The following NUDT14 variants were observed in gnomAD, a reference collection of about 807,000 sequenced individuals.
The protein encoded by NUDT14 is uridine diphosphate glucose pyrophosphatase NUDT14.
In NUDT14, 22 loss-of-function variants were observed where a neutral mutation model predicts 17.5. The ratio of observed to expected loss-of-function variants is 1.26; its 90% confidence interval spans 0.90 to 1.80. The LOEUF is 1.80. Among genes scored for constraint, NUDT14 ranks in the 40% most tolerant of loss-of-function variants. The pLI is 0.00. For missense variants in NUDT14, 296 were observed against 295.6 expected, an observed-to-expected ratio of 1.00 and a Z score of -0.01; for synonymous variants, 129 against 125.8, an observed-to-expected ratio of 1.03 and a Z score of -0.17.
At chr14:105,177,054 C>A in intron 2 of NUDT14, 27 bp from the exon 3 acceptor site, 1 of 1,606,952 alleles carries the variant, frequency 6.2e-7, no homozygotes, top group Non-Finnish European at 8.5e-7. Context: ...GGGCTCAGCA[C>A]AGAAGCACTC....
At position 105,173,268 on chromosome 14, in the gene NUDT14, G is replaced by T; in HGVS notation, c.429-7C>A. 2 of 1,516,404 alleles carry T rather than the reference G, an allele frequency of 1.3e-6. No individual in the cohort carries two copies. The highest frequency in any genetic ancestry group is 1.8e-6 in the Non-Finnish European group (2 of 1,132,336). 93.9% of individuals were successfully genotyped at this position (1,516,404 alleles called of 1,614,324 possible). The stretch of plus-strand genomic sequence containing the variant: ...AGTCAGTCCCACTCCAGACCTACGG[G>T]TTGAGACAGGGTCTGCTGAGTCACC... On this transcript the variant is annotated splice_polypyrimidine_tract_variant and splice_region_variant and intron_variant, in intron 4 of 4. Transcript: ENST00000392568. This position sits in a 1 kb window ranked among gnomAD's most constrained non-coding sequence, Gnocchi z 4.7.
At chr14:105,174,767 G>A (rs901999027) in intron 4 of NUDT14, among the ~76,000 whole-genome samples, 1 of 152,034 alleles carries the variant, frequency 6.6e-6, no homozygotes, top group Non-Finnish European at 1.5e-5. Context: ...GCTGGGCAAC[G>A]CCTCCCCCAC....
chr14:105,175,052 C>G (rs1047969139), intron 4 of NUDT14, among the ~76,000 whole-genome samples: 2 of 152,240 alleles, frequency 1.3e-5, no homozygotes, highest in Non-Finnish European at 2.9e-5. Flanking sequence ...AAGCAGGATG[C>G]CTACTTCCCA....
intron 4 of NUDT14, chr14:105,175,563 G>A (rs1439420451): frequency 4.7e-6 from 1 of 213,684 alleles, no homozygotes; most frequent in Non-Finnish European, 8.1e-6. Context: ...CACCACGCCT[G>A]GCTAATTTTG....
At position 105,173,307 on chromosome 14, in the gene NUDT14, C is replaced by A; in HGVS notation, c.429-46G>T. On this transcript the variant is annotated intron_variant, in intron 4 of 4. Coordinates refer to ENST00000392568, the MANE Select transcript of NUDT14 (RefSeq NM_177533.5). The surrounding 1 kb of genome is among the most constrained non-coding windows in gnomAD (Gnocchi z 4.7). The stretch of plus-strand genomic sequence containing the variant: ...TGCTGAGTCACCCACGCTGGCCCCG[C>A]TGGCCCCCTGGCCCTTCTACCACCC... 2 of 1,451,404 alleles carry A rather than the reference C, an allele frequency of 1.4e-6. No individual in the cohort carries two copies. The highest frequency in any genetic ancestry group is 9.1e-7 in the Non-Finnish European group (1 of 1,102,428). 89.9% of individuals were successfully genotyped at this position (1,451,404 alleles called of 1,614,324 possible).
In NUDT14 at chr14:105,176,550, G is replaced by A. The variant is rs765418409; in HGVS notation, c.412C>T (p.Arg138Trp). ...GYHLAPSDLR[R>W]VATYWSGVGL... ...CCCACTCACCAGTATGTGGCGACCC[G>A]GCGCAGATCAGAGGGGGCCAAGTGG... The change falls in exon 4 of 5, where the codon CGG becomes TGG. Residue 138 changes from arginine to tryptophan, a missense_variant. Transcript: ENST00000392568. 30 of 1,612,448 alleles carry A rather than the reference G, an allele frequency of 1.9e-5. No homozygotes were observed. The highest frequency in any genetic ancestry group is 6.6e-5 in the South Asian group (6 of 91,082).
Position 105,181,144 on chromosome 14 carries a change from C to T in NUDT14, c.66G>A (p.Thr22=). 2.6e-6 allele frequency: 3 copies of T among 1,141,992 alleles called. No homozygotes were observed. The highest frequency in any genetic ancestry group is 4.5e-5 in the Admixed American group (1 of 22,470). The allele number at this position is 1,141,992 out of a possible 1,614,324, so 70.7% of individuals were successfully genotyped here. The part of the protein sequence containing the change: ...CAASPYLRPL[T]LHYRQNGAQK... ...GCGGGCTCACCTGGCGGTAATGCAG[C>T]GTGAGCGGCCGCAGGTAGGGTGAGG... The change falls in exon 1 of 5, where the codon ACG becomes ACA. Residue 22 remains threonine, a synonymous_variant. Transcript: ENST00000392568. The surrounding 1 kb of genome is among the most constrained non-coding windows in gnomAD (Gnocchi z 5.0).
At chr14:105,176,910 C>G in intron 3 of NUDT14, 53 bp downstream of exon 3, 2 of 1,576,004 alleles carry the variant, frequency 1.3e-6, no homozygotes, top group East Asian at 4.5e-5. Flanking sequence ...CTCAGGACCA[C>G]AGGGACCTGA....
At chr14:105,175,761 T>G (rs960137026) in intron 4 of NUDT14, 3 of 1,007,004 alleles carry the variant, frequency 3.0e-6, no homozygotes, top group African/African-American at 3.5e-5. Flanking sequence ...CGTGCCCAGG[T>G]GAAGTCCTTG....
chr14:105,177,844 T>C (rs1358319144), intron 1 of NUDT14, 109 bp from the exon 2 acceptor site: 3 of 1,057,558 alleles, frequency 2.8e-6, no homozygotes, highest in Admixed American at 2.1e-5. Context: ...GGAGATCGGC[T>C]CGTGGCCTGG....
Position 105,176,641 on chromosome 14 carries a change from GAGGCCGGCACAC to G in NUDT14, c.309_320del (p.Cys104_Leu107del), listed in dbSNP as rs1566777589. On this transcript the variant is annotated inframe_deletion, in exon 4 of 5. Coordinates refer to ENST00000392568, the MANE Select transcript of NUDT14 (RefSeq NM_177533.5). Reference sequence around the variant, plus strand: ...CCAGCGAGAGCCCAGGCTGGTCCACGAGGCCGGCACACAGCTCAACTGTCACCCCCGCTGAGC... The same window carrying G: ...CCAGCGAGAGCCCAGGCTGGTCCACGAGCTCAACTGTCACCCCCGCTGAGC... 6.2e-7 allele frequency: 1 copy of G among 1,612,766 alleles called. No individual in the cohort carries two copies. The highest frequency in any genetic ancestry group is 1.1e-5 in the South Asian group (1 of 91,080).
In NUDT14 at chr14:105,173,312, C is replaced by A; in HGVS notation, c.429-51G>T. The A allele has an allele frequency of 6.9e-7, 1 of 1,452,036 alleles. No homozygotes were observed. Among genetic ancestry groups the A allele is most frequent in the Middle Eastern group, 1.8e-4 (1 of 5,418 alleles). The allele number at this position is 1,452,036 out of a possible 1,614,324, so 89.9% of individuals were successfully genotyped here. A position where few individuals can be genotyped will look rare whatever the true frequency, so the allele number is the denominator to read the frequency against. On this transcript the variant is annotated intron_variant, in intron 4 of 4. Coordinates refer to ENST00000392568, the MANE Select transcript of NUDT14 (RefSeq NM_177533.5). The surrounding 1 kb of genome is among the most constrained non-coding windows in gnomAD (Gnocchi z 4.7). Reference sequence around the variant, plus strand: ...AGTCACCCACGCTGGCCCCGCTGGCCCCCTGGCCCTTCTACCACCCTCCAA... The same window carrying A: ...AGTCACCCACGCTGGCCCCGCTGGCACCCTGGCCCTTCTACCACCCTCCAA...
At position 105,176,544 on chromosome 14, in the gene NUDT14, C is replaced by A. The variant is rs754096722; in HGVS notation, c.418G>T (p.Ala140Ser). The change falls in exon 4 of 5, where the codon GCC becomes TCC. Residue 140 changes from alanine to serine, a missense_variant. Coordinates refer to ENST00000392568, the MANE Select transcript of NUDT14 (RefSeq NM_177533.5). ...HLAPSDLRRV[A>S]TYWSGVGLTG... ...CCTGGTCCCACTCACCAGTATGTGG[C>A]GACCCGGCGCAGATCAGAGGGGGCC... 3.1e-6 allele frequency: 5 copies of A among 1,612,092 alleles called. No homozygotes were observed. The highest frequency in any genetic ancestry group is 3.4e-6 in the Non-Finnish European group (4 of 1,179,368).
At chr14:105,178,042 G>A (rs925054677) in intron 1 of NUDT14, among the ~76,000 whole-genome samples, 1 of 152,160 alleles carries the variant, frequency 6.6e-6, no homozygotes, top group South Asian at 2.1e-4. Flanking sequence ...GCTGCAGAGA[G>A]ACGTACACCG....
chr14:105,173,126 G>A lies in NUDT14; in HGVS notation c.564C>T (p.Gly188=), dbSNP rs140616526. ...CCGGGTCGTCTGCAAAGGCCTGGGC[G>A]CCTTCCAGGGGCAGGTGCACCACCT... ...LIEVVHLPLE[G]AQAFADDPDI... Residue 188 remains glycine, a synonymous_variant, in exon 5 of 5, where the codon GGC becomes GGT. Coordinates refer to ENST00000392568, the MANE Select transcript of NUDT14 (RefSeq NM_177533.5). This position sits in a 1 kb window ranked among gnomAD's most constrained non-coding sequence, Gnocchi z 4.7. The A allele has an allele frequency of 5.5e-3, 8,812 of 1,606,738 alleles. 36 individuals are homozygous for A. Among genetic ancestry groups the A allele is most frequent in the Non-Finnish European group, 6.5e-3 (7,618 of 1,177,322 alleles).
rs770714217 is a variant in NUDT14 at position 105,176,698 on chromosome 14, C to T, written c.264G>A (p.Glu88=). 1.2e-6 allele frequency: 2 copies of T among 1,612,782 alleles called. No homozygotes were observed. Among genetic ancestry groups the T allele is most frequent in the South Asian group, 1.1e-5 (1 of 91,088 alleles). Residue 88 remains glutamate, a synonymous_variant, in exon 4 of 5, where the codon GAG becomes GAA. Transcript: ENST00000392568. Reference sequence around the variant, plus strand: ...CTGAGCCGGGCAGGGCTGGCTGTAGCTCCCGAGGCCCGTCCTGGTCTACAG... The same window carrying T: ...CTGAGCCGGGCAGGGCTGGCTGTAGTTCCCGAGGCCCGTCCTGGTCTACAG... The part of the protein sequence containing the change: ...LAAVDQDGPR[E]LQPALPGSAG...
At chr14:105,177,497 TG>T (rs903566871) in intron 2 of NUDT14, among the ~76,000 whole-genome samples, 194 bp downstream of exon 2, 1 of 152,076 alleles carries the variant, frequency 6.6e-6, no homozygotes. Flanking sequence ...AGCAAAGACC[TG>T]ACTCAGCCCC....
At chr14:105,179,652 C>A (rs1334250144) in intron 1 of NUDT14, among the ~76,000 whole-genome samples, 2 of 152,252 alleles carry the variant, frequency 1.3e-5, no homozygotes, top group Non-Finnish European at 2.9e-5. Flanking sequence ...CACAAGCAGG[C>A]ATCCCATATG....
intron 2 of NUDT14, chr14:105,177,348 C>T: frequency 1.8e-6 from 1 of 553,954 alleles, no homozygotes; most frequent in Non-Finnish European, 3.3e-6. Context: ...TTGGCCCTCA[C>T]TGAGCAGCTG....
Sources: gnomAD v4.1 joint callset for allele counts (sites outside exome capture counted in the v4.1 genomes callset) on GRCh38, gnomAD v4.1.1 for gene constraint, Gnocchi (gnomAD v3.1) non-coding constraint, MANE v1.5 for transcripts, NCBI Gene and HGNC (gene_info 2026-07-23, HGNC 2026-07-21) for gene names.